Variants in STARD13 observed in about 807,000 individuals in gnomAD.
STARD13 encodes stAR-related lipid transfer protein 13.
Under a neutral mutation model 106.4 loss-of-function variants are expected in STARD13, and 62 were observed. That is an observed-to-expected ratio of 0.58 (90% CI 0.48 to 0.72). The LOEUF is 0.72. Among genes scored for constraint, STARD13 ranks in the 30% least tolerant of loss-of-function variants. The pLI is 0.00. For synonymous variants in STARD13, 565 were observed against 553.0 expected (o/e 1.02, Z -0.31); for missense variants, 1,387 against 1,424.0 (o/e 0.97, Z 0.42).
chr13:33,358,440 C>T, the STARD13 span, among the ~76,000 whole-genome samples: 1 of 152,346 alleles, frequency 6.6e-6, no homozygotes, highest in East Asian at 1.9e-4. Flanking sequence ...GCCAGCTGGG[C>T]TCCTGAGTCT....
At chr13:33,290,403 G>A (rs1892248486), upstream of STARD13, among the ~76,000 whole-genome samples, 1 of 152,206 alleles carries the variant, frequency 6.6e-6, no homozygotes. Context: ...TTCACCGATT[G>A]ATTTGTGATG....
At chr13:33,419,068 AC>A in the STARD13 span, among the ~76,000 whole-genome samples, 1 of 152,194 alleles carries the variant, frequency 6.6e-6, no homozygotes, top group Admixed American at 6.5e-5. Flanking sequence ...CCTCCAAAGG[AC>A]TGCAGCTCCT....
At chr13:33,406,909 G>A in the STARD13 span, among the ~76,000 whole-genome samples, 9 of 152,286 alleles carry the variant, frequency 5.9e-5, no homozygotes, top group Admixed American at 5.2e-4. Flanking sequence ...CATACCGAGT[G>A]CTGATGTGGG....
the STARD13 span, among the ~76,000 whole-genome samples, chr13:33,584,491 C>T: frequency 6.6e-6 from 1 of 151,810 alleles, no homozygotes; most frequent in Non-Finnish European, 1.5e-5. Flanking sequence ...GAAATCCACT[C>T]CCATGATCCA....
chr13:33,331,842 TA>T (rs1324585747), intron 1 of STARD13, among the ~76,000 whole-genome samples: 1 of 147,428 alleles, frequency 6.8e-6, no homozygotes, highest in Non-Finnish European at 1.5e-5. Context: ...CCCATTTGCA[TA>T]AAAAAACCAA....
the STARD13 span, among the ~76,000 whole-genome samples, chr13:33,542,273 G>A: frequency 6.6e-6 from 1 of 152,276 alleles, no homozygotes; most frequent in East Asian, 1.9e-4. Flanking sequence ...GGGGAAGGCT[G>A]GGTCCATCTT....
chr13:33,321,582 C>T (rs1378970806), intron 1 of STARD13, among the ~76,000 whole-genome samples: 1 of 151,872 alleles, frequency 6.6e-6, no homozygotes, highest in Non-Finnish European at 1.5e-5. Context: ...TGTTCTCTTA[C>T]ATATATTATC....
chr13:33,378,405 C>T, the STARD13 span, among the ~76,000 whole-genome samples: 1 of 152,224 alleles, frequency 6.6e-6, no homozygotes, highest in Admixed American at 6.5e-5. Context: ...CAAGGCCCAC[C>T]TGGAGCCCCA....
the STARD13 span, among the ~76,000 whole-genome samples, chr13:33,648,708 A>C: frequency 6.6e-6 from 1 of 151,672 alleles, no homozygotes; most frequent in African/African-American, 2.4e-5. Context: ...CTTTCCCCAA[A>C]TCACAGCTAC....
At chr13:33,295,141 G>A (rs189613404) in intron 1 of STARD13, among the ~76,000 whole-genome samples, 1 of 152,264 alleles carries the variant, frequency 6.6e-6, no homozygotes, top group African/African-American at 2.4e-5. Context: ...ATCCAGCCCA[G>A]TATACCAAAA....
the STARD13 span, among the ~76,000 whole-genome samples, chr13:33,496,470 G>T: frequency 6.6e-6 from 1 of 151,602 alleles, no homozygotes. Context: ...CTTCCTCATG[G>T]TATCATTTTT....
At chr13:33,498,768 C>T in the STARD13 span, among the ~76,000 whole-genome samples, 2 of 152,198 alleles carry the variant, frequency 1.3e-5, no homozygotes, top group African/African-American at 4.8e-5. Flanking sequence ...TACATTGTAT[C>T]TCCTTCATAT....
At chr13:33,309,307 G>A (rs1893043694) in intron 1 of STARD13, among the ~76,000 whole-genome samples, 1 of 152,166 alleles carries the variant, frequency 6.6e-6, no homozygotes, top group Admixed American at 6.6e-5. Flanking sequence ...AGCGAGTTGA[G>A]GACGCAAGCA....
chr13:33,365,400 G>A, the STARD13 span, among the ~76,000 whole-genome samples: 335 of 152,336 alleles, frequency 2.2e-3, 2 homozygotes, highest in Non-Finnish European at 3.6e-3. Flanking sequence ...ACAGTACACA[G>A]CTGGTGCCTC....
intron 3 of STARD13, among the ~76,000 whole-genome samples, chr13:33,154,122 G>A (rs1156768466): frequency 4.6e-5 from 7 of 152,202 alleles, no homozygotes; most frequent in Non-Finnish European, 1.0e-4. Context: ...CCATGAGGGT[G>A]GGGCCTTTCA....
chr13:33,163,124 A>C (rs1882829242), intron 3 of STARD13, among the ~76,000 whole-genome samples: 1 of 152,130 alleles, frequency 6.6e-6, no homozygotes, highest in South Asian at 2.1e-4. Flanking sequence ...ATCTGATAAA[A>C]CCATCAGATC....
At chr13:33,644,533 T>C in the STARD13 span, among the ~76,000 whole-genome samples, 115 of 151,576 alleles carry the variant, frequency 7.6e-4, 1 homozygote, top group South Asian at 1.3e-3. Context: ...GAAGATCTTG[T>C]TGGTAGAGAG....
At chr13:33,457,213 C>T in the STARD13 span, among the ~76,000 whole-genome samples, 1 of 152,198 alleles carries the variant, frequency 6.6e-6, no homozygotes, top group Non-Finnish European at 1.5e-5. Context: ...AAGCAATCAA[C>T]AATCAGAACA....
chr13:33,587,463 T>G, the STARD13 span, among the ~76,000 whole-genome samples: 323 of 152,278 alleles, frequency 2.1e-3, 1 homozygote, highest in African/African-American at 7.3e-3. Context: ...ATCAAATTCC[T>G]TATAAACAAT....
Sources: allele counts gnomAD v4.1 joint callset (sites outside exome capture counted in the v4.1 genomes callset), GRCh38; gene constraint gnomAD v4.1.1; transcripts MANE v1.5; gene names NCBI Gene and HGNC (gene_info 2026-07-23, HGNC 2026-07-21).